The following TRHDE variants were observed in gnomAD, a reference collection of about 807,000 sequenced individuals.
The protein encoded by TRHDE is thyrotropin-releasing hormone-degrading ectoenzyme.
A neutral mutation model predicts 125.7 loss-of-function variants in TRHDE; 72 were observed. The observed-to-expected ratio is 0.57, with a 90% CI of 0.47 to 0.70. The LOEUF is 0.70. Ranked by LOEUF, TRHDE falls within the 30% of genes least tolerant of loss-of-function variation. The probability of loss-of-function intolerance (pLI) is 0.00; values close to 1 mark genes in which losing one functional copy is unlikely to be tolerated. For missense variants in TRHDE, 1,110 were observed against 1,327.1 expected, an observed-to-expected ratio of 0.84 and a Z score of 2.54; for synonymous variants, 509 against 509.1, an observed-to-expected ratio of 1.00 and a Z score of 0.00.
intron 2 of TRHDE, among the ~76,000 whole-genome samples, chr12:72,221,091 A>G (rs1877990192): frequency 6.6e-6 from 1 of 152,094 alleles, no homozygotes; most frequent in African/African-American, 2.4e-5. Context: ...AACAAAGTCT[A>G]TTCAGTTTAT....
At chr12:72,575,827 A>G (rs988231284) in intron 12 of TRHDE, among the ~76,000 whole-genome samples, 1 of 152,158 alleles carries the variant, frequency 6.6e-6, no homozygotes, top group Non-Finnish European at 1.5e-5. Flanking sequence ...TGAACTCTAT[A>G]AAGTGACCAT....
chr12:72,216,685 T>C (rs2139365387), intron 2 of TRHDE, among the ~76,000 whole-genome samples: 1 of 152,338 alleles, frequency 6.6e-6, no homozygotes, highest in African/African-American at 2.4e-5. Flanking sequence ...CTGATTGATT[T>C]GTTGTGTCAC....
rs944151986 is a variant in TRHDE, at chr12:72,161,464, C to A, written n.279+55712C>A. Among the ~76,000 whole-genome samples the A allele has an allele frequency of 2.6e-5, 4 of 151,762 alleles. No individual in the cohort carries two copies. In the East Asian group the frequency reaches 7.7e-4, roughly 29 times the overall value. ...AAAAAAAAAAAATTGCTGCATTGATCCAAATTTGGAAGAATATCTGTGATG... is the reference window on the plus strand; with the variant it reads ...AAAAAAAAAAAATTGCTGCATTGATACAAATTTGGAAGAATATCTGTGATG... On this transcript the variant is annotated intron_variant and non_coding_transcript_variant, in intron 2 of 4. Transcript: ENST00000548156.
At chr12:72,648,621 A>C (rs933549700) in intron 15 of TRHDE, among the ~76,000 whole-genome samples, 5 of 152,020 alleles carry the variant, frequency 3.3e-5, no homozygotes, top group African/African-American at 1.2e-4. Context: ...CTGAAAAGTA[A>C]CTCAGGAAAG....
chr12:72,641,071 A>T (rs1874038832), intron 15 of TRHDE, among the ~76,000 whole-genome samples: 1 of 152,234 alleles, frequency 6.6e-6, no homozygotes, highest in Non-Finnish European at 1.5e-5. Flanking sequence ...TTAGGGTAAA[A>T]AATGAAGCCC....
intron 6 of TRHDE, among the ~76,000 whole-genome samples, chr12:72,512,166 G>C (rs1231147128): frequency 6.6e-6 from 1 of 151,816 alleles, no homozygotes; most frequent in Non-Finnish European, 1.5e-5. Flanking sequence ...TTACGGGTCA[G>C]AGCCATGTAA....
intron 6 of TRHDE, among the ~76,000 whole-genome samples, chr12:72,512,951 A>G (rs933243127): frequency 2.7e-4 from 41 of 152,078 alleles, no homozygotes; most frequent in African/African-American, 9.9e-4. Flanking sequence ...GATCTTTCCT[A>G]TGGAATAATT....
chr12:72,570,169 G>C (rs1195842705), intron 10 of TRHDE, among the ~76,000 whole-genome samples: 1 of 152,188 alleles, frequency 6.6e-6, no homozygotes, highest in African/African-American at 2.4e-5. Flanking sequence ...TTTAGATAGT[G>C]CAAGGATTCA....
At chr12:72,519,597 C>T (rs940749916) in intron 6 of TRHDE, among the ~76,000 whole-genome samples, 4 of 152,174 alleles carry the variant, frequency 2.6e-5, no homozygotes, top group Non-Finnish European at 5.9e-5. Flanking sequence ...GAATGTCCTC[C>T]AGTAGCTCGG....
intron 6 of TRHDE, among the ~76,000 whole-genome samples, chr12:72,527,483 C>G (rs961666966): frequency 6.6e-6 from 1 of 151,538 alleles, no homozygotes; most frequent in Non-Finnish European, 1.5e-5. Flanking sequence ...GAATCTGTTT[C>G]AGGGACCAGA....
intron 6 of TRHDE, among the ~76,000 whole-genome samples, chr12:72,520,382 C>T (rs181831007): frequency 1.6e-4 from 25 of 152,182 alleles, no homozygotes; most frequent in Admixed American, 3.3e-4. Context: ...GCGCAGTATT[C>T]GGGTGGGAGT....
At chr12:72,553,846 C>T (rs1869792194) in intron 7 of TRHDE, among the ~76,000 whole-genome samples, 3 of 144,684 alleles carry the variant, frequency 2.1e-5, no homozygotes, top group Non-Finnish European at 1.5e-5. Context: ...TTTTCTTTTC[C>T]TTCTTTTTTT....
rs1373244590 is a variant in TRHDE at position 72,664,927 on chromosome 12, CTTCA to C, written c.*1737_*1740del. The C allele has an allele frequency of 6.6e-6, 1 of 151,982 alleles. No individual in the cohort carries two copies. The highest frequency in any genetic ancestry group is 6.6e-5 in the Admixed American group (1 of 15,234). The allele number at this position is 151,982 out of a possible 1,614,324, so 9.4% of individuals were successfully genotyped here. ...TTAGTCATACCTAAATTTTTCAGCACTTCATTCAATTAAAATACATGAATTTTAA... is the reference window on the plus strand; with the variant it reads ...TTAGTCATACCTAAATTTTTCAGCACTTCAATTAAAATACATGAATTTTAA... On this transcript the variant is annotated 3_prime_UTR_variant, in exon 19 of 19. Transcript: ENST00000261180.
At chr12:72,420,639 T>TAAGGAA (rs1873913826) in intron 3 of TRHDE, among the ~76,000 whole-genome samples, 1 of 152,252 alleles carries the variant, frequency 6.6e-6, no homozygotes, top group Non-Finnish European at 1.5e-5. Flanking sequence ...ACCATTGAAA[T>TAAGGAA]AGACTGGGTT....
At chr12:72,657,174 A>G (rs1397181492) in intron 18 of TRHDE, among the ~76,000 whole-genome samples, 166 bp downstream of exon 18, 2 of 152,134 alleles carry the variant, frequency 1.3e-5, no homozygotes, top group African/African-American at 2.4e-5. Flanking sequence ...CATAATTTGC[A>G]AAGAGTATTT....
intron 1 of TRHDE, among the ~76,000 whole-genome samples, chr12:72,283,688 T>C (rs899638082): frequency 6.6e-6 from 1 of 152,136 alleles, no homozygotes; most frequent in Non-Finnish European, 1.5e-5. Context: ...TGCATAAATA[T>C]TTGTTTAATC....
intron 4 of TRHDE, among the ~76,000 whole-genome samples, chr12:72,471,870 T>G (rs913299549): frequency 1.3e-5 from 2 of 150,680 alleles, no homozygotes; most frequent in African/African-American, 4.9e-5. Context: ...TTGTCTGCCT[T>G]TCTGGACTCT....
intron 4 of TRHDE, among the ~76,000 whole-genome samples, chr12:72,471,246 T>A (rs368149857): frequency 6.2e-4 from 94 of 152,264 alleles, no homozygotes; most frequent in African/African-American, 2.2e-3. Context: ...GTTGACCAGA[T>A]CTCTGAGGTG....
intron 5 of TRHDE, among the ~76,000 whole-genome samples, chr12:72,496,566 A>C (rs545115285): frequency 2.8e-4 from 42 of 152,280 alleles, no homozygotes; most frequent in Non-Finnish European, 5.3e-4. Context: ...CACCCTTGAC[A>C]TGTGGAGATT....
Sources: allele counts gnomAD v4.1 joint callset (sites outside exome capture counted in the v4.1 genomes callset), GRCh38; gene constraint gnomAD v4.1.1; transcripts MANE v1.5; gene names NCBI Gene and HGNC (gene_info 2026-07-23, HGNC 2026-07-21).